RALYL: variants seen among roughly 807,000 people sequenced by gnomAD.
RALYL encodes the protein RNA-binding Raly-like protein.
In RALYL, 29 loss-of-function variants were observed where a neutral mutation model predicts 35.1. The observed-to-expected ratio is 0.83, with a 90% CI of 0.61 to 1.13. RALYL has a LOEUF of 1.13. Ranked by LOEUF, RALYL falls within the 50% of genes most tolerant of loss-of-function variation. RALYL has a pLI of 0.00. For missense variants in RALYL, 359 were observed against 360.4 expected (o/e 1.00, Z 0.03); for synonymous variants, 120 against 127.6 (o/e 0.94, Z 0.40).
Position 84,367,320 on chromosome 8 carries a change from T to TTGTTTTTGTTTTTG in RALYL, c.-23-161978_-23-161977insGTTTTTGTTTTTGT, listed in dbSNP as rs1281026985. On this transcript the variant is annotated intron_variant, in intron 1 of 8. Transcript: ENST00000521268. ...CATCCTGCCCAACTAATTTTTGTAT[T>TTGTTTTTGTTTTTG]TTTTTTTTTTTTTTTTTTTTTTTTT... Among the ~76,000 whole-genome samples, 11 of 9,854 alleles carry TTGTTTTTGTTTTTG rather than the reference T, an allele frequency of 1.1e-3. 1 individual carries two copies. The highest frequency in any genetic ancestry group is 2.4e-3 in the South Asian group (1 of 416). 6.5% of individuals were successfully genotyped at this position (9,854 alleles called of 152,430 possible). A position where few individuals can be genotyped will look rare whatever the true frequency, so the allele number is the denominator to read the frequency against.
chr8:84,464,789 C>T (rs1587509548), intron 1 of RALYL, among the ~76,000 whole-genome samples: 2 of 148,364 alleles, frequency 1.3e-5, no homozygotes, highest in East Asian at 2.0e-4. Flanking sequence ...TCTCCACATC[C>T]TCTCCAGCAC....
chr8:84,585,661 G>A (rs1290456084), intron 2 of RALYL, among the ~76,000 whole-genome samples: 12 of 152,218 alleles, frequency 7.9e-5, no homozygotes, highest in Middle Eastern at 6.8e-3. Flanking sequence ...ACAACTAAAT[G>A]TTGTTTGCAT....
At chr8:84,220,882 T>C (rs1456593526) in intron 1 of RALYL, among the ~76,000 whole-genome samples, 1 of 152,110 alleles carries the variant, frequency 6.6e-6, no homozygotes, top group Admixed American at 6.6e-5. Flanking sequence ...TTTATTAATA[T>C]AAACTATACT....
intron 1 of RALYL, among the ~76,000 whole-genome samples, chr8:84,375,494 T>C (rs1022302273): frequency 4.0e-5 from 6 of 151,874 alleles, no homozygotes. Flanking sequence ...ATACCTAATT[T>C]AATAGAAGTT....
At chr8:84,437,146 A>T (rs895587089) in intron 1 of RALYL, among the ~76,000 whole-genome samples, 1 of 152,136 alleles carries the variant, frequency 6.6e-6, no homozygotes, top group African/African-American at 2.4e-5. Context: ...TTTCTGAATT[A>T]ACTTAGAATG....
At chr8:84,653,330 G>A (rs949038107) in intron 2 of RALYL, among the ~76,000 whole-genome samples, 2 of 151,966 alleles carry the variant, frequency 1.3e-5, no homozygotes, top group South Asian at 2.1e-4. Flanking sequence ...ACAAGCTGAG[G>A]ATGAGGGCAA....
At chr8:84,256,173 T>C (rs1325380736) in intron 1 of RALYL, among the ~76,000 whole-genome samples, 1 of 152,142 alleles carries the variant, frequency 6.6e-6, no homozygotes, top group East Asian at 1.9e-4. Context: ...GCTGTTTCTG[T>C]GTACCACATT....
intron 1 of RALYL, among the ~76,000 whole-genome samples, chr8:84,483,255 A>G (rs143038474): frequency 7.8e-4 from 118 of 152,214 alleles, no homozygotes; most frequent in African/African-American, 2.6e-3. Flanking sequence ...TACTTTTCTA[A>G]TACTCTAAAA....
intron 3 of RALYL, among the ~76,000 whole-genome samples, chr8:84,791,909 C>T (rs1206088615): frequency 2.6e-5 from 4 of 152,114 alleles, no homozygotes; most frequent in Admixed American, 6.5e-5. Flanking sequence ...TCCCTGTTTC[C>T]CCCCCGGCAG....
At chr8:84,865,347 G>A (rs1563770971) in intron 6 of RALYL, among the ~76,000 whole-genome samples, 3 of 152,072 alleles carry the variant, frequency 2.0e-5, no homozygotes, top group Non-Finnish European at 4.4e-5. Context: ...TAATGGTTTG[G>A]CAAGTTCAGA....
At chr8:84,427,144 C>T (rs905913512) in intron 1 of RALYL, among the ~76,000 whole-genome samples, 5 of 152,154 alleles carry the variant, frequency 3.3e-5, no homozygotes, top group Admixed American at 6.5e-5. Flanking sequence ...CAGTTTCACC[C>T]CAGATATGCC....
intron 2 of RALYL, among the ~76,000 whole-genome samples, chr8:84,608,185 A>G (rs1423766460): frequency 6.6e-6 from 1 of 152,120 alleles, no homozygotes; most frequent in Non-Finnish European, 1.5e-5. Context: ...TGCCTAGAGC[A>G]TCTCCTCCAG....
At chr8:84,361,436 G>A (rs1225903229) in intron 1 of RALYL, among the ~76,000 whole-genome samples, 22 of 152,184 alleles carry the variant, frequency 1.4e-4, no homozygotes, top group Admixed American at 1.4e-3. Context: ...GGAAGAAATT[G>A]TACAGAGAAG....
chr8:84,262,319 ACT>A (rs1404637538), intron 1 of RALYL, among the ~76,000 whole-genome samples: 2 of 152,150 alleles, frequency 1.3e-5, no homozygotes, highest in Non-Finnish European at 2.9e-5. Flanking sequence ...CACAATGGAA[ACT>A]CAAAATAACA....
At chr8:84,466,274 T>G (rs1355155102) in intron 1 of RALYL, among the ~76,000 whole-genome samples, 4 of 142,708 alleles carry the variant, frequency 2.8e-5, no homozygotes, top group Non-Finnish European at 6.1e-5. Context: ...ATATTGGCTG[T>G]GGGTTTGTCA....
At chr8:84,214,667 A>T (rs903108591) in intron 1 of RALYL, among the ~76,000 whole-genome samples, 2 of 152,110 alleles carry the variant, frequency 1.3e-5, no homozygotes, top group Non-Finnish European at 2.9e-5. Flanking sequence ...TGAATTGTAT[A>T]TTAACCCTCT....
chr8:84,464,015 C>T (rs1224740747), intron 1 of RALYL, among the ~76,000 whole-genome samples: 1 of 151,904 alleles, frequency 6.6e-6, no homozygotes, highest in Non-Finnish European at 1.5e-5. Flanking sequence ...TCATAATTCT[C>T]TGATATTCTT....
At chr8:84,690,775 A>G (rs1837876843) in intron 2 of RALYL, among the ~76,000 whole-genome samples, 1 of 152,110 alleles carries the variant, frequency 6.6e-6, no homozygotes. Flanking sequence ...TCTTATAGCC[A>G]AATATTAAAT....
At chr8:84,863,857 T>C (rs941328305) in intron 6 of RALYL, among the ~76,000 whole-genome samples, 3 of 152,300 alleles carry the variant, frequency 2.0e-5, no homozygotes, top group African/African-American at 7.2e-5. Context: ...ATTCTGTAGA[T>C]AGATAAATAT....
Sources: gnomAD v4.1 joint callset for allele counts (sites outside exome capture counted in the v4.1 genomes callset) on GRCh38, gnomAD v4.1.1 for gene constraint, MANE v1.5 for transcripts, NCBI Gene and HGNC (gene_info 2026-07-23, HGNC 2026-07-21) for gene names.